The following TOPAZ1 variants were observed in gnomAD, a reference collection of about 807,000 sequenced individuals.
TOPAZ1 encodes the protein testis and ovary specific TOPAZ 1.
Under a neutral mutation model 172.2 loss-of-function variants are expected in TOPAZ1, and 66 were observed. The observed-to-expected ratio is 0.38, with a 90% CI of 0.31 to 0.47. The LOEUF (loss-of-function observed/expected upper bound fraction) is 0.47. Ranked by LOEUF, TOPAZ1 falls within the 20% of genes least tolerant of loss-of-function variation. TOPAZ1 has a pLI of 0.99. For missense variants in TOPAZ1, 1,822 were observed against 1,972.4 expected, an observed-to-expected ratio of 0.92 and a Z score of 1.44; for synonymous variants, 681 against 683.9, an observed-to-expected ratio of 1.00 and a Z score of 0.07.
intron 16 of TOPAZ1, among the ~76,000 whole-genome samples, chr3:44,314,555 A>G (rs2125702778): frequency 6.6e-6 from 1 of 152,166 alleles, no homozygotes; most frequent in East Asian, 1.9e-4. Context: ...ATTTTTAACT[A>G]CTACACCAGT....
chr3:44,265,205 T>G (rs1246317838), intron 5 of TOPAZ1, among the ~76,000 whole-genome samples: 3 of 152,206 alleles, frequency 2.0e-5, no homozygotes, highest in Non-Finnish European at 2.9e-5. Flanking sequence ...TAATAAGTCT[T>G]GAAAGTCAAA....
At chr3:44,259,899 C>G (rs544964410) in intron 4 of TOPAZ1, among the ~76,000 whole-genome samples, 26 of 152,248 alleles carry the variant, frequency 1.7e-4, no homozygotes, top group African/African-American at 5.5e-4. Context: ...TGGCCGTGGT[C>G]CCACCCAAAA....
At chr3:44,286,617 A>G (rs6801972) in intron 9 of TOPAZ1, among the ~76,000 whole-genome samples, 53,209 of 152,050 alleles carry the variant, frequency 0.35, 10,160 homozygotes, top group African/African-American at 0.46. Flanking sequence ...CAGGTAATCC[A>G]GCTAGTAATA....
intron 9 of TOPAZ1, 38 bp downstream of exon 9, chr3:44,282,069 T>G: frequency 7.6e-7 from 1 of 1,314,622 alleles, no homozygotes; most frequent in East Asian, 2.6e-5. Context: ...AAGCTATTAA[T>G]GTGTTGTTTG....
chr3:44,287,448 G>A lies in TOPAZ1; in HGVS notation c.3496G>A (p.Val1166Met), dbSNP rs1480566088. The change falls in exon 10 of 20, where the codon GTG (valine) becomes ATG (methionine). Residue 1166 changes from valine (V) to methionine (M), a missense_variant. Val to Met is a conservative substitution (Grantham distance 21). This residue lies in a region of TOPAZ1 where 1,489 missense variants were observed against 1,490.8 expected (regional missense o/e 1.00). Coordinates refer to ENST00000309765, the MANE Select transcript of TOPAZ1 (RefSeq NM_001145030.2). ...FPPGVYFDLQVLNDLLNSLLK... is the reference protein window; with the variant it reads ...FPPGVYFDLQMLNDLLNSLLK... The stretch of plus-strand genomic sequence containing the variant: ...CCCAGGTGTATACTTTGATTTACAA[G>A]TGCTAAATGACCTTCTAAATTCTTT... The A allele has an allele frequency of 1.3e-6, 2 of 1,526,460 alleles. No homozygotes were observed. Among genetic ancestry groups the A allele is most frequent in the South Asian group, 1.3e-5 (1 of 78,506 alleles). The allele number at this position is 1,526,460 out of a possible 1,614,324, so 94.6% of individuals were successfully genotyped here.
chr3:44,249,845 A>G (rs1461774897), intron 2 of TOPAZ1, among the ~76,000 whole-genome samples: 1 of 152,208 alleles, frequency 6.6e-6, no homozygotes, highest in South Asian at 2.1e-4. Context: ...ATAAGATTTT[A>G]TAAGTAGGGT....
intron 8 of TOPAZ1, among the ~76,000 whole-genome samples, chr3:44,281,115 T>C (rs1044441086): frequency 4.6e-5 from 7 of 152,220 alleles, no homozygotes; most frequent in Non-Finnish European, 7.3e-5. Flanking sequence ...ATTTACACTT[T>C]CCCTGTATTA....
intron 13 of TOPAZ1, among the ~76,000 whole-genome samples, 191 bp downstream of exon 13, chr3:44,304,272 C>T (rs987515611): frequency 6.6e-6 from 1 of 152,110 alleles, no homozygotes; most frequent in African/African-American, 2.4e-5. Context: ...GTTTTAATTT[C>T]TAGAGTTGTG....
chr3:44,255,419 G>A (rs972268206), intron 3 of TOPAZ1, among the ~76,000 whole-genome samples: 11 of 151,936 alleles, frequency 7.2e-5, no homozygotes, highest in African/African-American at 2.2e-4. Context: ...TTGGGAGTCC[G>A]CGGCAGGTGG....
intron 4 of TOPAZ1, among the ~76,000 whole-genome samples, chr3:44,259,811 T>G (rs1699755455): frequency 6.6e-6 from 1 of 152,234 alleles, no homozygotes; most frequent in Non-Finnish European, 1.5e-5. Context: ...TGCATTTCTC[T>G]TATGAGTCTA....
intron 15 of TOPAZ1, 150 bp from the exon 16 acceptor site, chr3:44,309,675 G>A: frequency 3.3e-6 from 2 of 607,554 alleles, no homozygotes; most frequent in South Asian, 2.3e-5. Flanking sequence ...GAACAGGAAG[G>A]GGCTTAAGGA....
At chr3:44,318,459 C>T (rs932093353) in intron 16 of TOPAZ1, among the ~76,000 whole-genome samples, 6 of 65,030 alleles carry the variant, frequency 9.2e-5, no homozygotes, top group Admixed American at 2.4e-4. Context: ...CTCAAAAAAA[C>T]AAAACAAAAC....
At chr3:44,328,872 A>T (rs1700632411) in intron 19 of TOPAZ1, among the ~76,000 whole-genome samples, 1 of 152,216 alleles carries the variant, frequency 6.6e-6, no homozygotes, top group Non-Finnish European at 1.5e-5. Flanking sequence ...TATATTTTAT[A>T]ATGCTATATA....
At chr3:44,263,350 A>G (rs752433084) in intron 5 of TOPAZ1, among the ~76,000 whole-genome samples, 16 of 152,338 alleles carry the variant, frequency 1.1e-4, no homozygotes, top group South Asian at 1.0e-3. Flanking sequence ...GCAGACTGCA[A>G]AGGTTTATCA....
Position 44,269,244 on chromosome 3 carries a change from C to G in TOPAZ1, c.3189C>G (p.Val1063=), listed in dbSNP as rs1388130769. The part of the protein sequence containing the change: ...NDFRFLGKHS[V]LKLQNPETCE... Reference sequence around the variant, plus strand: ...TCAGATTTCTGGGAAAACATTCTGTCCTAAAGCTGCAGAATCCTGAAACTT... The same window carrying G: ...TCAGATTTCTGGGAAAACATTCTGTGCTAAAGCTGCAGAATCCTGAAACTT... The change falls in exon 7 of 20, where the codon GTC becomes GTG. Residue 1063 remains valine (V), a synonymous_variant. Coordinates refer to ENST00000309765, the MANE Select transcript of TOPAZ1 (RefSeq NM_001145030.2). 2 of 1,549,614 alleles carry G rather than the reference C, an allele frequency of 1.3e-6. No homozygotes were observed.
Position 44,328,359 on chromosome 3 carries a change from C to T in TOPAZ1, c.4785C>T (p.Ile1595=). The change falls in exon 19 of 20, where the codon ATC becomes ATT. Residue 1595 remains isoleucine, a synonymous_variant. Transcript: ENST00000309765. ...TTGAAATGCTCTTAGCTATTGAAATCTTCATGGTATCTAATGCTAGTAGTA... is the reference window on the plus strand; with the variant it reads ...TTGAAATGCTCTTAGCTATTGAAATTTTCATGGTATCTAATGCTAGTAGTA... ...SEIEMLLAIE[I]FMVSNASSIQ... 1 of 1,525,046 alleles carries T rather than the reference C, an allele frequency of 6.6e-7. No homozygotes were observed. The highest frequency in any genetic ancestry group is 2.6e-5 in the East Asian group (1 of 38,572). The allele number at this position is 1,525,046 out of a possible 1,614,324, so 94.5% of individuals were successfully genotyped here. A position where few individuals can be genotyped will look rare whatever the true frequency, so the allele number is the denominator to read the frequency against.
At chr3:44,300,129 A>AAATAAAT (rs1559542478) in intron 12 of TOPAZ1, among the ~76,000 whole-genome samples, 10 of 150,186 alleles carry the variant, frequency 6.7e-5, no homozygotes, top group African/African-American at 2.5e-4. Flanking sequence ...AATAAATAAA[A>AAATAAAT]AATAAAAAAA....
intron 9 of TOPAZ1, among the ~76,000 whole-genome samples, chr3:44,285,731 T>G (rs958543061): frequency 2.0e-5 from 3 of 151,508 alleles, no homozygotes; most frequent in Non-Finnish European, 2.9e-5. Context: ...CCACCATGCC[T>G]GGCTAATTTT....
chr3:44,294,259 G>A (rs970509281), intron 12 of TOPAZ1, among the ~76,000 whole-genome samples: 6 of 151,688 alleles, frequency 4.0e-5, no homozygotes, highest in Non-Finnish European at 7.4e-5. Flanking sequence ...AAGACATATA[G>A]CCATCAAACG....
Sources: gnomAD v4.1 joint callset for allele counts (sites outside exome capture counted in the v4.1 genomes callset) on GRCh38, gnomAD v4.1.1 for gene constraint, gnomAD v4.1.1 regional missense constraint, MANE v1.5 for transcripts, NCBI Gene and HGNC (gene_info 2026-07-23, HGNC 2026-07-21) for gene names.